SLC35B3: variants seen among roughly 807,000 people sequenced by gnomAD.
SLC35B3 encodes the protein adenosine 3'-phospho 5'-phosphosulfate transporter 2.
Under a neutral mutation model 44.1 loss-of-function variants are expected in SLC35B3, and 35 were observed. That is an observed-to-expected ratio of 0.79 (90% CI 0.61 to 1.05). The LOEUF is 1.05. Among genes scored for constraint, SLC35B3 ranks in the 50% least tolerant of loss-of-function variants. The pLI is 0.00. For synonymous variants in SLC35B3, 146 were observed against 167.3 expected, an observed-to-expected ratio of 0.87 and a Z score of 0.98; for missense variants, 414 against 476.4, an observed-to-expected ratio of 0.87 and a Z score of 1.22.
At position 8,420,607 on chromosome 6, in the gene SLC35B3, A is replaced by C; in HGVS notation, c.682+114T>G. ...ATGGAAAGTCCAAAAGCTTTATGTT[A>C]GATATGAAAATTGCAGCTGTCACAC... On this transcript the variant is annotated intron_variant, in intron 6 of 10. Transcript: ENST00000644923. This position sits in a 1 kb window ranked among gnomAD's most constrained non-coding sequence, Gnocchi z 4.4. 3.0e-6 allele frequency: 2 copies of C among 676,958 alleles called. No individual in the cohort carries two copies. Among genetic ancestry groups the C allele is most frequent in the East Asian group, 5.3e-5 (2 of 37,588 alleles). The allele number at this position is 676,958 out of a possible 1,614,324, so 41.9% of individuals were successfully genotyped here. A position where few individuals can be genotyped will look rare whatever the true frequency, so the allele number is the denominator to read the frequency against.
At chr6:8,416,272 G>T (rs1277949501) in intron 9 of SLC35B3, among the ~76,000 whole-genome samples, 2 of 152,088 alleles carry the variant, frequency 1.3e-5, no homozygotes, top group African/African-American at 4.8e-5. Context: ...TACCTCTAAG[G>T]CAAAAGCTGT....
At position 8,434,372 on chromosome 6, in the gene SLC35B3, A is replaced by G. The variant is rs1354693947; in HGVS notation, c.3+13T>C. On this transcript the variant is annotated intron_variant, in intron 2 of 10. Coordinates refer to ENST00000644923, the MANE Select transcript of SLC35B3 (RefSeq NM_001370476.2). The surrounding 1 kb of genome is among the most constrained non-coding windows in gnomAD (Gnocchi z 6.3). ...CTTTGCCACACTCAACGTTACAAAT[A>G]AAAGAATCTTACCATGCCATTATGC... is the stretch of plus-strand genomic sequence containing the variant. 1.9e-6 allele frequency: 3 copies of G among 1,611,782 alleles called. No homozygotes were observed. Among genetic ancestry groups the G allele is most frequent in the Non-Finnish European group, 2.5e-6 (3 of 1,178,384 alleles).
At chr6:8,425,353 C>A (rs1763317684) in intron 4 of SLC35B3, among the ~76,000 whole-genome samples, 1 of 152,046 alleles carries the variant, frequency 6.6e-6, no homozygotes. Flanking sequence ...ATATATTAGT[C>A]TTGACAGATA....
chr6:8,416,869 G>T lies in SLC35B3; in HGVS notation c.985+15C>A. ...AATGCTTATTTTATAATCAAAGCAA[G>T]TAAATCCCTCCTACCTGTTACAGCA... On this transcript the variant is annotated intron_variant, in intron 9 of 10. Coordinates refer to ENST00000644923, the MANE Select transcript of SLC35B3 (RefSeq NM_001370476.2). The T allele has an allele frequency of 7.5e-7, 1 of 1,330,424 alleles. No homozygotes were observed. Among genetic ancestry groups the T allele is most frequent in the Non-Finnish European group, 1.1e-6 (1 of 951,626 alleles). The allele number at this position is 1,330,424 out of a possible 1,614,324, so 82.4% of individuals were successfully genotyped here.
rs79183963 is a variant in SLC35B3 at position 8,427,819 on chromosome 6, T to A, written c.419+118A>T. 8.7e-3 allele frequency: 6,855 copies of A among 785,442 alleles called. 358 individuals carry two copies. In the African/African-American group the frequency reaches 0.11, roughly 12 times the overall value. 48.7% of individuals were successfully genotyped at this position (785,442 alleles called of 1,614,324 possible). A position where few individuals can be genotyped will look rare whatever the true frequency, so the allele number is the denominator to read the frequency against. On this transcript the variant is annotated intron_variant, in intron 4 of 10. Transcript: ENST00000644923. Reference sequence around the variant, plus strand: ...GTATTTAGTATTAAGTTAGTTACACTAAGAGTTCGTGCCTATCACATGTTT... The same window carrying A: ...GTATTTAGTATTAAGTTAGTTACACAAAGAGTTCGTGCCTATCACATGTTT...
In SLC35B3 at chr6:8,417,045, G is replaced by T. The variant is rs773261980; in HGVS notation, c.874-50C>A. On this transcript the variant is annotated intron_variant, in intron 8 of 10. Coordinates refer to ENST00000644923, the MANE Select transcript of SLC35B3 (RefSeq NM_001370476.2). ...AGAAAAATGTAAAACAAACTCCGAG[G>T]TATTACAAATAAAATAAAACTACAG... 5.1e-6 allele frequency: 5 copies of T among 985,254 alleles called. No individual in the cohort carries two copies. The African/African-American group carries it at 8.5e-5, about 17-fold the overall frequency. The allele number at this position is 985,254 out of a possible 1,614,324, so 61.0% of individuals were successfully genotyped here.
chr6:8,425,671 A>G (rs1219189085), intron 4 of SLC35B3, among the ~76,000 whole-genome samples: 2 of 152,118 alleles, frequency 1.3e-5, no homozygotes, highest in Non-Finnish European at 2.9e-5. Flanking sequence ...CTTCAACACC[A>G]TTTTATGATT....
chr6:8,421,912 A>C (rs1762923810), intron 5 of SLC35B3, among the ~76,000 whole-genome samples: 2 of 152,230 alleles, frequency 1.3e-5, no homozygotes, highest in Admixed American at 1.3e-4. Context: ...GTAGATTCCA[A>C]AATAAAATAA....
At position 8,429,921 on chromosome 6, in the gene SLC35B3, C is replaced by G; in HGVS notation, c.240G>C (p.Gln80His). The G allele has an allele frequency of 6.2e-7, 1 of 1,609,878 alleles. No individual in the cohort carries two copies. Among genetic ancestry groups the G allele is most frequent in the Non-Finnish European group, 8.5e-7 (1 of 1,178,120 alleles). ...AAACTCCAGCAACACATATGAAAAA[C>G]TGAGTAAGTTTGTTAAACTTGCTGA... The change falls in exon 3 of 11, where the codon CAG becomes CAC. Residue 80 changes from glutamine to histidine, a missense_variant. By Grantham distance (24) the Gln-to-His change is conservative (BLOSUM62 0). Coordinates refer to ENST00000644923, the MANE Select transcript of SLC35B3 (RefSeq NM_001370476.2).
At chr6:8,424,927 T>A (rs573749423) in intron 4 of SLC35B3, among the ~76,000 whole-genome samples, 1 of 152,296 alleles carries the variant, frequency 6.6e-6, no homozygotes, top group Non-Finnish European at 1.5e-5. Flanking sequence ...AGCAAAGAGT[T>A]TAGCTAATTA....
chr6:8,429,024 T>G (rs1763708496), intron 3 of SLC35B3, among the ~76,000 whole-genome samples: 1 of 152,180 alleles, frequency 6.6e-6, no homozygotes. Context: ...AATACAACAA[T>G]TTTTAAATTC....
intron 10 of SLC35B3, 103 bp downstream of exon 9, chr6:8,414,805 C>T (rs765082123): frequency 7.0e-6 from 4 of 570,002 alleles, no homozygotes; most frequent in East Asian, 3.1e-5. Flanking sequence ...AATACACTTA[C>T]TACAAAAAAG....
intron 8 of SLC35B3, 92 bp downstream of exon 7, chr6:8,417,310 C>T (rs1762499145): frequency 3.9e-6 from 3 of 763,056 alleles, no homozygotes; most frequent in African/African-American, 3.6e-5. Context: ...ATCATTATAT[C>T]TATGATAGCC....
rs1264261701 is a variant in SLC35B3 at position 8,419,716 on chromosome 6, CCTT to C, written c.683-42_683-40del. The C allele has an allele frequency of 3.3e-6, 4 of 1,203,208 alleles. No individual in the cohort carries two copies. In the African/African-American group the frequency reaches 6.2e-5, roughly 19 times the overall value. The allele number at this position is 1,203,208 out of a possible 1,614,324, so 74.5% of individuals were successfully genotyped here. ...TTAAAAAAACAAACAAAAAAACCCT[CCTT>C]ATTTAAACATATGAACTATAATCAA... On this transcript the variant is annotated intron_variant, in intron 6 of 10. Transcript: ENST00000644923. This position sits in a 1 kb window ranked among gnomAD's most constrained non-coding sequence, Gnocchi z 4.3.
At position 8,433,275 on chromosome 6, in the gene SLC35B3, A is replaced by G. The variant is rs146865267; in HGVS notation, c.3+1110T>C. The stretch of plus-strand genomic sequence containing the variant: ...TCTGATCATGCTGCATCCATGAATA[A>G]GGCCTCGAAGTTAAAAACGAGTTGA... On this transcript the variant is annotated intron_variant, in intron 2 of 10. Coordinates refer to ENST00000644923, the MANE Select transcript of SLC35B3 (RefSeq NM_001370476.2). The surrounding 1 kb of genome is among the most constrained non-coding windows in gnomAD (Gnocchi z 4.1). Among the ~76,000 whole-genome samples the G allele has an allele frequency of 0.013, 2,052 of 152,304 alleles. 23 individuals carry two copies. Among genetic ancestry groups the G allele is most frequent in the Non-Finnish European group, 0.02 (1,391 of 68,028 alleles).
rs958806537 is a variant in SLC35B3 at position 8,411,986 on chromosome 6, C to A, written c.*1563G>T. Among the ~76,000 whole-genome samples, 3 of 152,124 alleles carry A rather than the reference C, an allele frequency of 2.0e-5. No homozygotes were observed. The highest frequency in any genetic ancestry group is 2.9e-5 in the Non-Finnish European group (2 of 68,016). On this transcript the variant is annotated 3_prime_UTR_variant, in exon 11 of 11. Coordinates refer to ENST00000644923, the MANE Select transcript of SLC35B3 (RefSeq NM_001370476.2). ...ATTCCTATGGTCTGAATGTTTGTGT[C>A]CCCCTGAGATTCATTTGTTGAAATC...
chr6:8,414,269 C>A (rs1762216081), intron 10 of SLC35B3, among the ~76,000 whole-genome samples: 3 of 152,046 alleles, frequency 2.0e-5, no homozygotes, highest in Admixed American at 2.0e-4. Flanking sequence ...TTTTATGTTT[C>A]CCTCCAAACT....
In SLC35B3 at chr6:8,414,931, G is replaced by A. The variant is rs1176451855; in HGVS notation, c.1032C>T (p.Phe344=). ...ACTGAAACGTGAATGGTTTAGCAAAGAATATAAACGAAAGTACAATGGTCA... is the reference window on the plus strand; with the variant it reads ...ACTGAAACGTGAATGGTTTAGCAAAAAATATAAACGAAAGTACAATGGTCA... Residue 344 remains phenylalanine (F), a synonymous_variant, in exon 10 of 11, where the codon TTC becomes TTT. Transcript: ENST00000644923. The A allele has an allele frequency of 2.5e-6, 4 of 1,605,020 alleles. No individual in the cohort carries two copies. Among genetic ancestry groups the A allele is most frequent in the Non-Finnish European group, 3.4e-6 (4 of 1,174,088 alleles).
At position 8,435,527 on chromosome 6, in the gene SLC35B3, A is replaced by G. The variant is rs973692533; in HGVS notation, c.-228T>C. 3 of 504,768 alleles carry G rather than the reference A, an allele frequency of 5.9e-6. No homozygotes were observed. Among genetic ancestry groups the G allele is most frequent in the Non-Finnish European group, 9.8e-6 (3 of 306,820 alleles). The allele number at this position is 504,768 out of a possible 1,614,324, so 31.3% of individuals were successfully genotyped here. A position where few individuals can be genotyped will look rare whatever the true frequency, so the allele number is the denominator to read the frequency against. ...AAGCACTCTCAACTCCGGCGCCCGC[A>G]GGCCACTTCCGCCTATGTGTCCCTG... On this transcript the variant is annotated 5_prime_UTR_variant, in exon 1 of 11. Coordinates refer to ENST00000644923, the MANE Select transcript of SLC35B3 (RefSeq NM_001370476.2). This position sits in a 1 kb window ranked among gnomAD's most constrained non-coding sequence, Gnocchi z 5.5.
Sources: gnomAD v4.1 joint callset for allele counts (sites outside exome capture counted in the v4.1 genomes callset) on GRCh38, gnomAD v4.1.1 for gene constraint, Gnocchi (gnomAD v3.1) non-coding constraint, MANE v1.5 for transcripts, NCBI Gene and HGNC (gene_info 2026-07-23, HGNC 2026-07-21) for gene names.